ICA1: variants seen among roughly 807,000 people sequenced by gnomAD.
ICA1 encodes the protein islet cell autoantigen 1.
In ICA1, 40 loss-of-function variants were observed where a neutral mutation model predicts 71.0. The observed-to-expected ratio is 0.56, with a 90% CI of 0.44 to 0.73. The LOEUF is 0.73. Ranked by LOEUF, ICA1 falls within the 30% of genes least tolerant of loss-of-function variation. The pLI is 0.00. For synonymous variants in ICA1, 207 were observed against 209.5 expected (o/e 0.99, Z 0.10); for missense variants, 578 against 576.5 (o/e 1.00, Z -0.03).
At chr7:8,240,576 G>T (rs1180734733) in intron 1 of ICA1, among the ~76,000 whole-genome samples, 2 of 152,212 alleles carry the variant, frequency 1.3e-5, no homozygotes, top group African/African-American at 2.4e-5. Context: ...CGAGCTGACA[G>T]AAGTAGGCTT....
At chr7:8,252,410 A>C (rs550290072) in intron 1 of ICA1, among the ~76,000 whole-genome samples, 1 of 152,324 alleles carries the variant, frequency 6.6e-6, no homozygotes, top group Non-Finnish European at 1.5e-5. Context: ...AGGCTCTTAC[A>C]AATCTTACTT....
chr7:8,220,055 A>G (rs1796576270), intron 5 of ICA1, among the ~76,000 whole-genome samples: 1 of 152,088 alleles, frequency 6.6e-6, no homozygotes, highest in Non-Finnish European at 1.5e-5. Flanking sequence ...TTGCTTTTTA[A>G]TTTTCACTTT....
At chr7:8,165,399 C>T (rs1805537368) in intron 6 of ICA1, among the ~76,000 whole-genome samples, 1 of 152,188 alleles carries the variant, frequency 6.6e-6, no homozygotes, top group Admixed American at 6.5e-5. Context: ...TTGGTCTCCC[C>T]TCAACGATAT....
chr7:8,201,174 G>A (rs145280217), intron 6 of ICA1, among the ~76,000 whole-genome samples: 1 of 152,344 alleles, frequency 6.6e-6, no homozygotes, highest in East Asian at 1.9e-4. Context: ...CTCCCTGGCT[G>A]TGCCTCTGGA....
chr7:8,133,769 T>G (rs1297796826), intron 12 of ICA1, among the ~76,000 whole-genome samples: 1 of 151,882 alleles, frequency 6.6e-6, no homozygotes, highest in Non-Finnish European at 1.5e-5. Context: ...TCATTCAATT[T>G]GGCAAAACTT....
intron 6 of ICA1, among the ~76,000 whole-genome samples, chr7:8,204,006 T>C (rs1790632925): frequency 6.6e-6 from 1 of 151,238 alleles, no homozygotes; most frequent in African/African-American, 2.4e-5. Flanking sequence ...AGAACAGAAA[T>C]GTGAAACGCC....
intron 6 of ICA1, among the ~76,000 whole-genome samples, chr7:8,206,613 T>G (rs1055429739): frequency 6.6e-6 from 1 of 151,904 alleles, no homozygotes; most frequent in African/African-American, 2.4e-5. Context: ...AGGCGTATGG[T>G]GAAACCTCAA....
intron 6 of ICA1, among the ~76,000 whole-genome samples, chr7:8,195,244 A>T (rs537866568): frequency 7.2e-5 from 11 of 152,372 alleles, no homozygotes; most frequent in African/African-American, 2.6e-4. Context: ...GTGAGAATAC[A>T]AAATGGGGCT....
chr7:8,250,484 T>C (rs3779358), intron 1 of ICA1, among the ~76,000 whole-genome samples: 47,724 of 151,994 alleles, frequency 0.31, 7,905 homozygotes, highest in East Asian at 0.45. Flanking sequence ...GATGAGTTTT[T>C]AATGGGTGTT....
intron 4 of ICA1, chr7:8,227,658 G>A (rs1799031481): frequency 2.4e-6 from 1 of 415,252 alleles, no homozygotes; most frequent in Non-Finnish European, 4.7e-6. Flanking sequence ...CCAGGCTGGA[G>A]CACAACGGCT....
chr7:8,142,975 T>C lies in ICA1; in HGVS notation c.902+900A>G, dbSNP rs190194660. Among the ~76,000 whole-genome samples, 292 of 152,368 alleles carry C rather than the reference T, an allele frequency of 1.9e-3. 1 individual carries two copies. Among genetic ancestry groups the C allele is most frequent in the African/African-American group, 6.6e-3 (276 of 41,598 alleles). On this transcript the variant is annotated intron_variant, in intron 9 of 13. Transcript: ENST00000402384. Reference sequence around the variant, plus strand: ...GGCTAATATTGGCAGCAACTTTTCCTGTGGGACAAAAAATATATCTGAAAG... The same window carrying C: ...GGCTAATATTGGCAGCAACTTTTCCCGTGGGACAAAAAATATATCTGAAAG...
intron 6 of ICA1, among the ~76,000 whole-genome samples, chr7:8,179,126 G>C (rs534295202): frequency 1.1e-3 from 161 of 152,316 alleles, no homozygotes; most frequent in Non-Finnish European, 1.7e-3. Flanking sequence ...TGAAAGGCAA[G>C]TTTTAAGGAC....
intron 12 of ICA1, among the ~76,000 whole-genome samples, 164 bp downstream of exon 12, chr7:8,138,676 T>G (rs1199076651): frequency 6.6e-6 from 1 of 152,256 alleles, no homozygotes; most frequent in African/African-American, 2.4e-5. Flanking sequence ...CATACTATTT[T>G]GTGCTTGGGC....
chr7:8,197,215 A>G (rs1015965792), intron 6 of ICA1, among the ~76,000 whole-genome samples: 1 of 152,050 alleles, frequency 6.6e-6, no homozygotes, highest in African/African-American at 2.4e-5. Context: ...AATAAAAATT[A>G]TGCTTCAGAC....
At chr7:8,257,407 G>A (rs561665953) in intron 1 of ICA1, among the ~76,000 whole-genome samples, 1 of 152,288 alleles carries the variant, frequency 6.6e-6, no homozygotes, top group East Asian at 1.9e-4. Flanking sequence ...CATGATGATG[G>A]TAAGAGATGG....
rs959759752 is a variant in ICA1 at position 8,130,527 on chromosome 7, A to G, written c.1061-2385T>C. Among the ~76,000 whole-genome samples the G allele has an allele frequency of 1.1e-4, 16 of 152,336 alleles. No individual in the cohort carries two copies. Among genetic ancestry groups the G allele is most frequent in the East Asian group, 5.8e-4 (3 of 5,188 alleles). ...ATGCCCAAACCCTTTCTTATAGTTT[A>G]CTTTTTGCCCTGACTGAAACCAGAT... is the stretch of plus-strand genomic sequence containing the variant. On this transcript the variant is annotated intron_variant, in intron 12 of 13. Transcript: ENST00000402384. The surrounding 1 kb of genome is among the most constrained non-coding windows in gnomAD (Gnocchi z 4.2).
intron 6 of ICA1, among the ~76,000 whole-genome samples, chr7:8,188,055 G>A (rs1224948144): frequency 6.6e-6 from 1 of 152,128 alleles, no homozygotes; most frequent in Non-Finnish European, 1.5e-5. Context: ...TCCTCACCAA[G>A]GCACCAGGCT....
chr7:8,209,619 C>T (rs1202599000), intron 6 of ICA1, among the ~76,000 whole-genome samples: 1 of 152,136 alleles, frequency 6.6e-6, no homozygotes, highest in Non-Finnish European at 1.5e-5. Context: ...TATTTATTTA[C>T]CTATTTGCTC....
intron 6 of ICA1, among the ~76,000 whole-genome samples, chr7:8,197,143 G>T (rs1222851560): frequency 6.6e-6 from 1 of 151,558 alleles, no homozygotes; most frequent in African/African-American, 2.4e-5. Context: ...AAAAAAGACA[G>T]ATGTATATCC....
Sources: gnomAD v4.1 joint callset for allele counts (sites outside exome capture counted in the v4.1 genomes callset) on GRCh38, gnomAD v4.1.1 for gene constraint, Gnocchi (gnomAD v3.1) non-coding constraint, MANE v1.5 for transcripts, NCBI Gene and HGNC (gene_info 2026-07-23, HGNC 2026-07-21) for gene names.